Variants in PACRG observed in about 807,000 individuals in gnomAD.
PACRG encodes the protein parkin coregulated, also known as parkin coregulated gene protein.
A neutral mutation model predicts 29.7 loss-of-function variants in PACRG; 29 were observed. That is an observed-to-expected ratio of 0.98 (90% CI 0.73 to 1.33). The LOEUF (loss-of-function observed/expected upper bound fraction) is 1.33, where lower values mean the gene tolerates loss of function less well. Ranked by LOEUF, PACRG falls within the 40% of genes most tolerant of loss-of-function variation. The probability of loss-of-function intolerance (pLI) is 0.00; values close to 1 mark genes in which losing one functional copy is unlikely to be tolerated. For missense variants in PACRG, 279 were observed against 316.2 expected (o/e 0.88, Z 0.89); for synonymous variants, 116 against 118.7 (o/e 0.98, Z 0.15).
intron 2 of PACRG, chr6:163,060,785 T>A (rs994758993): frequency 4.6e-5 from 7 of 152,168 alleles, no homozygotes; most frequent in African/African-American, 1.7e-4. Flanking sequence ...TCATTACGAG[T>A]TACTCACATC....
chr6:163,278,772 C>T (rs1784137543), intron 4 of PACRG, among the ~76,000 whole-genome samples: 1 of 152,086 alleles, frequency 6.6e-6, no homozygotes, highest in South Asian at 2.1e-4. Context: ...TAATGTGATG[C>T]CTCCAGATTT....
intron 2 of PACRG, among the ~76,000 whole-genome samples, chr6:162,977,194 A>G (rs1212426257): frequency 6.6e-6 from 1 of 152,092 alleles, no homozygotes; most frequent in Non-Finnish European, 1.5e-5. Flanking sequence ...ATTTGTAAAC[A>G]TTTGATAAAT....
chr6:163,177,338 A>G (rs1475106805), intron 4 of PACRG, among the ~76,000 whole-genome samples: 1 of 152,180 alleles, frequency 6.6e-6, no homozygotes, highest in South Asian at 2.1e-4. Flanking sequence ...GTTTTCGAGC[A>G]TGTCCATTTG....
At chr6:162,827,230 A>G (rs1788363699) in intron 2 of PACRG, among the ~76,000 whole-genome samples, 2 of 152,182 alleles carry the variant, frequency 1.3e-5, no homozygotes, top group Admixed American at 6.5e-5. Flanking sequence ...TTATAATTCT[A>G]TTTGGGAATC....
intron 1 of PACRG, among the ~76,000 whole-genome samples, chr6:162,790,515 C>CATATAT (rs150507654): frequency 4.0e-5 from 6 of 149,536 alleles, no homozygotes; most frequent in African/African-American, 9.8e-5. Flanking sequence ...TAGTTTTCTC[C>CATATAT]ATATATATAT....
At chr6:163,283,249 T>C (rs1054293816) in intron 4 of PACRG, among the ~76,000 whole-genome samples, 12 of 152,198 alleles carry the variant, frequency 7.9e-5, no homozygotes, top group Admixed American at 6.5e-4. Context: ...TGTATTTTAG[T>C]GTCTGAGCTT....
intron 2 of PACRG, among the ~76,000 whole-genome samples, chr6:162,992,729 T>C (rs1423799937): frequency 8.7e-6 from 1 of 114,924 alleles, no homozygotes; most frequent in Non-Finnish European, 1.8e-5. Context: ...GTTTTTTGTG[T>C]CTCTATTTCC....
At chr6:163,214,870 T>A (rs1025239935) in intron 4 of PACRG, among the ~76,000 whole-genome samples, 1 of 152,170 alleles carries the variant, frequency 6.6e-6, no homozygotes, top group African/African-American at 2.4e-5. Flanking sequence ...AATAGGTATG[T>A]TTTAGCATTT....
chr6:162,753,568 C>T (rs1781678184), intron 1 of PACRG, among the ~76,000 whole-genome samples: 1 of 152,112 alleles, frequency 6.6e-6, no homozygotes, highest in Non-Finnish European at 1.5e-5. Flanking sequence ...TCTGTGTCCC[C>T]ACCCAAATTC....
chr6:163,039,830 C>T (rs1305439379), intron 2 of PACRG, among the ~76,000 whole-genome samples: 1 of 152,182 alleles, frequency 6.6e-6, no homozygotes, highest in South Asian at 2.1e-4. Context: ...GATATTGGAA[C>T]TTATGTTTAA....
At chr6:163,194,793 G>T (rs1157939145) in intron 4 of PACRG, among the ~76,000 whole-genome samples, 2 of 152,148 alleles carry the variant, frequency 1.3e-5, no homozygotes, top group African/African-American at 4.8e-5. Context: ...CAGGAATGGG[G>T]CTGCCTGTTG....
intron 2 of PACRG, among the ~76,000 whole-genome samples, chr6:162,875,292 CACATGCACACACAG>C (rs1367957640): frequency 3.3e-5 from 5 of 150,290 alleles, no homozygotes; most frequent in Non-Finnish European, 5.9e-5. Context: ...TTCACACACA[CACATGCACACACAG>C]ACATGCACAG....
At chr6:163,200,132 T>C (rs1404801380) in intron 4 of PACRG, among the ~76,000 whole-genome samples, 1 of 152,204 alleles carries the variant, frequency 6.6e-6, no homozygotes, top group Non-Finnish European at 1.5e-5. Context: ...TTTGCTTTGA[T>C]AAAGACTGGC....
chr6:163,017,963 A>G (rs1358578081), intron 2 of PACRG, among the ~76,000 whole-genome samples: 1 of 152,114 alleles, frequency 6.6e-6, no homozygotes, highest in Admixed American at 6.5e-5. Context: ...GATTTGCTAT[A>G]CATGGCATCC....
chr6:162,918,695 G>A (rs1281332792), intron 2 of PACRG, among the ~76,000 whole-genome samples: 2 of 152,160 alleles, frequency 1.3e-5, no homozygotes, highest in African/African-American at 2.4e-5. Context: ...TCATTACTAA[G>A]CAACTGAAGA....
chr6:163,297,648 T>C (rs1345407971), intron 4 of PACRG, among the ~76,000 whole-genome samples: 1 of 152,128 alleles, frequency 6.6e-6, no homozygotes, highest in Admixed American at 6.6e-5. Context: ...ATCATGAATG[T>C]TTACATTGAA....
intron 2 of PACRG, among the ~76,000 whole-genome samples, chr6:163,000,003 A>C (rs1364192211): frequency 6.6e-6 from 1 of 152,236 alleles, no homozygotes; most frequent in Admixed American, 6.5e-5. Flanking sequence ...AACTGGATGT[A>C]CTTGTAACAT....
chr6:162,743,328 A>G (rs1780742342), intron 1 of PACRG, among the ~76,000 whole-genome samples: 1 of 152,214 alleles, frequency 6.6e-6, no homozygotes, highest in Non-Finnish European at 1.5e-5. Context: ...GTCTTAAGAA[A>G]ATACATAAAA....
intron 4 of PACRG, among the ~76,000 whole-genome samples, chr6:163,210,565 C>T (rs188824041): frequency 1.3e-5 from 2 of 152,310 alleles, no homozygotes; most frequent in African/African-American, 4.8e-5. Flanking sequence ...TTAACTTCCT[C>T]TTCCAAAGCA....
Sources: allele counts gnomAD v4.1 joint callset (sites outside exome capture counted in the v4.1 genomes callset), GRCh38; gene constraint gnomAD v4.1.1; transcripts MANE v1.5; gene names NCBI Gene and HGNC (gene_info 2026-07-23, HGNC 2026-07-21).